The following SLC8A1 variants were observed in gnomAD, a reference collection of about 807,000 sequenced individuals.
The protein encoded by SLC8A1 is sodium/calcium exchanger 1.
Under a neutral mutation model 68.3 loss-of-function variants are expected in SLC8A1, and 18 were observed. The ratio of observed to expected loss-of-function variants is 0.26; its 90% CI spans 0.18 to 0.39. The LOEUF is 0.39. Among genes scored for constraint, SLC8A1 ranks in the 10% least tolerant of loss-of-function variants. SLC8A1 has a pLI of 1.00. For synonymous variants in SLC8A1, 475 were observed against 415.5 expected (o/e 1.14, Z -1.74); for missense variants, 985 against 1,156.7 (o/e 0.85, Z 2.15).
At chr2:40,145,046 C>G (rs2042197546) in intron 6 of SLC8A1, among the ~76,000 whole-genome samples, 1 of 152,100 alleles carries the variant, frequency 6.6e-6, no homozygotes, top group Non-Finnish European at 1.5e-5. Flanking sequence ...TATTTTGTAT[C>G]CTTTGACCTA....
chr2:40,374,843 AC>A (rs1283416375), intron 2 of SLC8A1, among the ~76,000 whole-genome samples: 3 of 152,066 alleles, frequency 2.0e-5, no homozygotes, highest in African/African-American at 7.2e-5. Context: ...ATGTTTAAGG[AC>A]TTTTTTTAAG....
At chr2:40,159,033 T>C (rs2045162295) in intron 6 of SLC8A1, among the ~76,000 whole-genome samples, 1 of 152,248 alleles carries the variant, frequency 6.6e-6, no homozygotes, top group South Asian at 2.1e-4. Flanking sequence ...TTCTTGAGAG[T>C]CATAAAACTA....
chr2:40,273,261 T>G (rs552172241), intron 2 of SLC8A1, among the ~76,000 whole-genome samples: 1 of 152,026 alleles, frequency 6.6e-6, no homozygotes, highest in South Asian at 2.1e-4. Context: ...TCTTTTTTTT[T>G]TTTGTATTTT....
At chr2:40,424,757 T>C (rs917086802) in intron 2 of SLC8A1, among the ~76,000 whole-genome samples, 13 of 151,974 alleles carry the variant, frequency 8.6e-5, no homozygotes, top group African/African-American at 3.1e-4. Flanking sequence ...GTACTTTAAA[T>C]ATATAATACT....
At chr2:40,294,064 G>C (rs1392941514) in intron 2 of SLC8A1, among the ~76,000 whole-genome samples, 3 of 152,068 alleles carry the variant, frequency 2.0e-5, no homozygotes, top group Non-Finnish European at 4.4e-5. Context: ...ACTAGAATTT[G>C]CTGCTCATTC....
At chr2:40,505,562 T>G (rs980368777) in intron 1 of SLC8A1, among the ~76,000 whole-genome samples, 26 of 151,914 alleles carry the variant, frequency 1.7e-4, no homozygotes, top group African/African-American at 6.0e-4. Context: ...CAATTCTAGG[T>G]GCTACGGAAA....
chr2:40,324,412 G>A (rs774172455), intron 2 of SLC8A1, among the ~76,000 whole-genome samples: 1 of 152,100 alleles, frequency 6.6e-6, no homozygotes, highest in Non-Finnish European at 1.5e-5. Flanking sequence ...AAACCAACAT[G>A]GCAAGATTAT....
chr2:40,458,796 A>C (rs939359239), intron 1 of SLC8A1, among the ~76,000 whole-genome samples: 1 of 152,222 alleles, frequency 6.6e-6, no homozygotes, highest in Non-Finnish European at 1.5e-5. Flanking sequence ...AGAATCTCTT[A>C]TCTCCTCTAT....
At chr2:40,125,003 G>T (rs994691233) in intron 7 of SLC8A1, among the ~76,000 whole-genome samples, 1 of 152,214 alleles carries the variant, frequency 6.6e-6, no homozygotes, top group African/African-American at 2.4e-5. Flanking sequence ...GAATGTAGAT[G>T]GTGGTGAGAT....
chr2:40,194,513 G>A (rs1421747829), intron 2 of SLC8A1, among the ~76,000 whole-genome samples: 3 of 109,140 alleles, frequency 2.7e-5, no homozygotes, highest in Admixed American at 9.4e-5. Flanking sequence ...GTGTGCGCGC[G>A]CAAAGAAAAC....
intron 1 of SLC8A1, among the ~76,000 whole-genome samples, chr2:40,451,536 G>A (rs1244667554): frequency 6.6e-6 from 1 of 152,130 alleles, no homozygotes; most frequent in Non-Finnish European, 1.5e-5. Flanking sequence ...CATTCGGGGT[G>A]GACTTAGCTC....
chr2:40,174,892 A>T (rs760523526), intron 3 of SLC8A1, 50 bp from the exon 5 acceptor site: 2 of 1,558,544 alleles, frequency 1.3e-6, no homozygotes, highest in African/African-American at 2.7e-5. Context: ...CACTCTACAT[A>T]ACAAATACCA....
At chr2:40,206,034 A>C (rs1024142507) in intron 2 of SLC8A1, among the ~76,000 whole-genome samples, 2 of 152,016 alleles carry the variant, frequency 1.3e-5, no homozygotes, top group Non-Finnish European at 1.5e-5. Flanking sequence ...AAAAGATTTG[A>C]TTGGAAAAAG....
intron 2 of SLC8A1, among the ~76,000 whole-genome samples, chr2:40,255,415 T>G (rs2063748606): frequency 6.6e-6 from 1 of 152,154 alleles, no homozygotes; most frequent in East Asian, 1.9e-4. Flanking sequence ...TCATGTATAT[T>G]CAAAGGGAAA....
At chr2:40,386,845 C>T (rs183170488) in intron 2 of SLC8A1, among the ~76,000 whole-genome samples, 6 of 150,962 alleles carry the variant, frequency 4.0e-5, no homozygotes, top group Non-Finnish European at 7.4e-5. Context: ...ATAATGTATC[C>T]CTAAAATACC....
chr2:40,306,275 G>T (rs531946092), intron 2 of SLC8A1, among the ~76,000 whole-genome samples: 1 of 152,296 alleles, frequency 6.6e-6, no homozygotes, highest in East Asian at 1.9e-4. Flanking sequence ...GCTGAGAAAA[G>T]AAATAATGTC....
chr2:40,183,133 C>T (rs1375618215), intron 2 of SLC8A1, among the ~76,000 whole-genome samples: 3 of 152,160 alleles, frequency 2.0e-5, no homozygotes, highest in Non-Finnish European at 4.4e-5. Context: ...CTGCGATTGA[C>T]AGGGAAAACA....
intron 2 of SLC8A1, among the ~76,000 whole-genome samples, chr2:40,381,611 T>C (rs56370629): frequency 0.42 from 63,871 of 151,740 alleles, 14,154 homozygotes; most frequent in Non-Finnish European, 0.49. Flanking sequence ...CTCTGATAAC[T>C]ATGAAATGGA....
chr2:40,305,503 T>C (rs745677590), intron 2 of SLC8A1, among the ~76,000 whole-genome samples: 4 of 152,178 alleles, frequency 2.6e-5, no homozygotes, highest in Non-Finnish European at 5.9e-5. Context: ...ACTGAGAGGA[T>C]GGATCAAGTT....
Sources: allele counts gnomAD v4.1 joint callset (sites outside exome capture counted in the v4.1 genomes callset), GRCh38; gene constraint gnomAD v4.1.1; transcripts MANE v1.5; gene names NCBI Gene and HGNC (gene_info 2026-07-23, HGNC 2026-07-21).